CBFA2T2: variants seen among roughly 807,000 people sequenced by gnomAD.
CBFA2T2 encodes the protein protein CBFA2T2.
Under a neutral mutation model 62.2 loss-of-function variants are expected in CBFA2T2, and 11 were observed. The ratio of observed to expected loss-of-function variants is 0.18; its 90% CI spans 0.11 to 0.29. The LOEUF (loss-of-function observed/expected upper bound fraction) is 0.29, where lower values mean the gene tolerates loss of function less well. Ranked by LOEUF, CBFA2T2 falls within the 10% of genes least tolerant of loss-of-function variation. CBFA2T2 has a pLI of 1.00. For synonymous variants in CBFA2T2, 295 were observed against 287.5 expected, an observed-to-expected ratio of 1.03 and a Z score of -0.27; for missense variants, 592 against 774.1, an observed-to-expected ratio of 0.76 and a Z score of 2.79.
intron 1 of CBFA2T2, among the ~76,000 whole-genome samples, chr20:33,514,208 T>C (rs1410677093): frequency 8.8e-6 from 1 of 114,188 alleles, no homozygotes. Flanking sequence ...CTGCCTTTGT[T>C]TTTTTTTTTT....
At chr20:33,605,944 G>A (rs1483673395) in intron 1 of CBFA2T2, among the ~76,000 whole-genome samples, 1 of 151,708 alleles carries the variant, frequency 6.6e-6, no homozygotes, top group East Asian at 1.9e-4. Flanking sequence ...TCAGCCTCCT[G>A]AGTAACTGGG....
At chr20:33,593,623 CA>C (rs2146929143) in intron 1 of CBFA2T2, among the ~76,000 whole-genome samples, 1 of 152,184 alleles carries the variant, frequency 6.6e-6, no homozygotes, top group Non-Finnish European at 1.5e-5. Context: ...GAGCTCCTGA[CA>C]TCAGGTGATC....
rs571734999 is a variant in CBFA2T2 at position 33,553,182 on chromosome 20, A to T, written c.35-53774A>T. On this transcript the variant is annotated intron_variant, in intron 1 of 10. Transcript: ENST00000342704. Reference sequence around the variant, plus strand: ...CCTCAGTAGGTGTTTGAGTATTAGAACTTTTTTTTGTAAAGCTACGTTGTT... The same window carrying T: ...CCTCAGTAGGTGTTTGAGTATTAGATCTTTTTTTTGTAAAGCTACGTTGTT... Among the ~76,000 whole-genome samples, 114 of 152,248 alleles carry T rather than the reference A, an allele frequency of 7.5e-4. 2 individuals are homozygous for T. The South Asian group carries it at 0.023, about 30-fold the overall frequency.
rs1600921828 is a variant in CBFA2T2, at chr20:33,519,173, A to C, written c.34+28872A>C. On this transcript the variant is annotated intron_variant, in intron 1 of 10. Coordinates refer to ENST00000342704, the MANE Select transcript of CBFA2T2 (RefSeq NM_001032999.3). Reference sequence around the variant, plus strand: ...ATGGATCGCAACTATTCAGGAAAAAAAATATACAGATTGTGGCTGGGCACC... The same window carrying C: ...ATGGATCGCAACTATTCAGGAAAAACAATATACAGATTGTGGCTGGGCACC... Among the ~76,000 whole-genome samples, 3 of 152,248 alleles carry C rather than the reference A, an allele frequency of 2.0e-5. No homozygotes were observed. The East Asian group carries it at 5.8e-4, about 29-fold the overall frequency.
At chr20:33,547,686 AAT>A (rs1491458594) in intron 1 of CBFA2T2, among the ~76,000 whole-genome samples, 2 of 106,978 alleles carry the variant, frequency 1.9e-5, no homozygotes, top group African/African-American at 3.7e-5. Flanking sequence ...GTCTCAAAAA[AAT>A]GTGTGTGTGT....
In CBFA2T2 at chr20:33,640,352, AATAAGG is replaced by A; in HGVS notation, c.1310_1315del (p.Asn437_Val439delinsMet). ...TCACTTTCTTCTAGAAGAAGCTGTG[AATAAGG>A]TGAAAATTCAGGCCATGTCAGAAGT... On this transcript the variant is annotated inframe_deletion, in exon 10 of 11. Coordinates refer to ENST00000342704, the MANE Select transcript of CBFA2T2 (RefSeq NM_001032999.3). 1 of 1,613,476 alleles carries A rather than the reference AATAAGG, an allele frequency of 6.2e-7. No individual in the cohort carries two copies. Among genetic ancestry groups the A allele is most frequent in the Non-Finnish European group, 8.5e-7 (1 of 1,179,514 alleles).
chr20:33,611,514 T>TTCTTTTCTTC (rs1337325823), intron 3 of CBFA2T2, among the ~76,000 whole-genome samples, 179 bp downstream of exon 3: 2 of 152,148 alleles, frequency 1.3e-5, no homozygotes, highest in Non-Finnish European at 2.9e-5. Context: ...TTCTTTTCTT[T>TTCTTTTCTTC]TCTTTTCTTC....
At chr20:33,567,641 G>A (rs988903054) in intron 1 of CBFA2T2, among the ~76,000 whole-genome samples, 5 of 151,104 alleles carry the variant, frequency 3.3e-5, no homozygotes, top group Admixed American at 3.3e-4. Context: ...GGAGTGCAGT[G>A]GCGTGATCTC....
intron 1 of CBFA2T2, among the ~76,000 whole-genome samples, chr20:33,516,189 G>C (rs2011597038): frequency 6.6e-6 from 1 of 152,174 alleles, no homozygotes; most frequent in Non-Finnish European, 1.5e-5. Context: ...TACAGCGTCA[G>C]ACGGGCATGG....
At chr20:33,615,538 A>C (rs1211950891) in intron 3 of CBFA2T2, among the ~76,000 whole-genome samples, 1 of 152,210 alleles carries the variant, frequency 6.6e-6, no homozygotes, top group Non-Finnish European at 1.5e-5. Flanking sequence ...ATCAAGTCTC[A>C]TTCTGGTTCA....
Position 33,490,118 on chromosome 20 carries a change from GC to G in CBFA2T2, c.-149del. 1 of 757,274 alleles carries G rather than the reference GC, an allele frequency of 1.3e-6. No homozygotes were observed. Among genetic ancestry groups the G allele is most frequent in the African/African-American group, 1.9e-5 (1 of 52,130 alleles). 46.9% of individuals were successfully genotyped at this position (757,274 alleles called of 1,614,324 possible). ...GGCGGCGGCGGCGGCGACGGCGACA[GC>G]AGCGGTGGTGGTGTCTGGTTAGCTC... On this transcript the variant is annotated 5_prime_UTR_variant, in exon 1 of 11. Transcript: ENST00000342704.
chr20:33,635,841 C>T (rs1457382666), intron 8 of CBFA2T2, among the ~76,000 whole-genome samples: 4 of 152,124 alleles, frequency 2.6e-5, no homozygotes, highest in Admixed American at 6.6e-5. Flanking sequence ...AGCTGTGTAT[C>T]ACTGCACTCT....
In CBFA2T2 at chr20:33,629,730, C is replaced by T; in HGVS notation, c.1044C>T (p.Cys348=). 6.2e-7 allele frequency: 1 copy of T among 1,613,178 alleles called. No individual in the cohort carries two copies. Among genetic ancestry groups the T allele is most frequent in the Non-Finnish European group, 8.5e-7 (1 of 1,179,636 alleles). ...EWKHLDHALN[C]IMEMVEKTRR... is the part of the protein sequence containing the mutation. ...CCTCTGTGACTCAGGCGCTGAATTG[C>T]ATTATGGAAATGGTAGAGAAAACAA... Residue 348 remains cysteine, a synonymous_variant, in exon 8 of 11, where the codon TGC becomes TGT. Coordinates refer to ENST00000342704, the MANE Select transcript of CBFA2T2 (RefSeq NM_001032999.3).
chr20:33,558,728 A>G (rs1452071766), intron 1 of CBFA2T2, among the ~76,000 whole-genome samples: 1 of 151,630 alleles, frequency 6.6e-6, no homozygotes, highest in African/African-American at 2.4e-5. Flanking sequence ...TCATTTTTTC[A>G]TTAGGGATTT....
At chr20:33,498,130 C>CA (rs1409433675) in intron 1 of CBFA2T2, among the ~76,000 whole-genome samples, 1 of 151,886 alleles carries the variant, frequency 6.6e-6, no homozygotes, top group Admixed American at 6.6e-5. Flanking sequence ...AGGGTTTCTT[C>CA]ATGTTGCCCA....
intron 1 of CBFA2T2, among the ~76,000 whole-genome samples, chr20:33,561,113 T>C (rs547608713): frequency 6.6e-6 from 1 of 152,300 alleles, no homozygotes; most frequent in East Asian, 1.9e-4. Flanking sequence ...CTTGAGCTTG[T>C]GATCCGCTTG....
At chr20:33,536,681 CCT>C (rs1400003685) in intron 1 of CBFA2T2, among the ~76,000 whole-genome samples, 3 of 151,240 alleles carry the variant, frequency 2.0e-5, no homozygotes, top group Non-Finnish European at 4.4e-5. Context: ...CAGAGACGCT[CCT>C]CACCTCCCAG....
At chr20:33,588,684 C>T (rs1378069952) in intron 1 of CBFA2T2, among the ~76,000 whole-genome samples, 2 of 152,106 alleles carry the variant, frequency 1.3e-5, no homozygotes, top group Non-Finnish European at 2.9e-5. Context: ...TGGTGGCTCA[C>T]GCCTGTAATC....
chr20:33,632,787 G>T (rs2016500017), intron 8 of CBFA2T2, among the ~76,000 whole-genome samples: 1 of 150,898 alleles, frequency 6.6e-6, no homozygotes, highest in Non-Finnish European at 1.5e-5. Flanking sequence ...GTTTTTGTTT[G>T]AGACGGAGTC....
Sources: allele counts gnomAD v4.1 joint callset (sites outside exome capture counted in the v4.1 genomes callset), GRCh38; gene constraint gnomAD v4.1.1; transcripts MANE v1.5; gene names NCBI Gene and HGNC (gene_info 2026-07-23, HGNC 2026-07-21).